Variants in GOLGA8A observed in about 807,000 individuals in gnomAD.
The protein encoded by GOLGA8A is golgin A8 family member A, also known as golgin subfamily A member 8A.
In GOLGA8A, 3 loss-of-function variants were observed where a neutral mutation model predicts 22.1. The observed-to-expected ratio is 0.14, with a 90% CI of 0.06 to 0.35. The LOEUF is 0.35. GOLGA8A is among the 10% of genes least tolerant of loss of function. The pLI, the probability that GOLGA8A is intolerant of heterozygous loss-of-function variation, is 1.00. For synonymous variants in GOLGA8A, 7 were observed against 91.7 expected (o/e 0.08, Z 5.28); for missense variants, 16 against 233.2 (o/e 0.07, Z 6.07).
intron 2 of GOLGA8A, chr15:34,417,920 G>C (rs1412793006): frequency 7.0e-6 from 1 of 141,846 alleles, no homozygotes; most frequent in Non-Finnish European, 1.5e-5. Flanking sequence ...CTCTTGGGTA[G>C]AGGGGGTGTT....
At position 34,421,287 on chromosome 15, in the gene GOLGA8A, A is replaced by G. The variant is rs1358526025; in HGVS notation, c.-1122-13552T>C. ...AACGACAAGAAAATCGGCTATTGTGAGAAGAGTCACATGAAGGTACCCAAA... is the reference window on the plus strand; with the variant it reads ...AACGACAAGAAAATCGGCTATTGTGGGAAGAGTCACATGAAGGTACCCAAA... On this transcript the variant is annotated intron_variant, in intron 2 of 24. Coordinates refer to ENST00000359187, the MANE Select transcript of GOLGA8A (RefSeq NM_181077.5). Among the ~76,000 whole-genome samples the G allele has an allele frequency of 1.4e-5, 2 of 143,342 alleles. 1 individual carries two copies. The highest frequency in any genetic ancestry group is 3.1e-5 in the Non-Finnish European group (2 of 65,398). The allele number at this position is 143,342 out of a possible 152,430, so 94.0% of individuals were successfully genotyped here.
In GOLGA8A at chr15:34,437,721, T is replaced by C. The variant is rs774886108; in HGVS notation, c.-1535A>G. On this transcript the variant is annotated 5_prime_UTR_variant, in exon 1 of 25. Coordinates refer to ENST00000359187, the MANE Select transcript of GOLGA8A (RefSeq NM_181077.5). Reference sequence around the variant, plus strand: ...CGCGCCGCCGTCCTCGCCGCGCCGCTGCCGGGTCTCTCCCGGGGGCTGAGC... The same window carrying C: ...CGCGCCGCCGTCCTCGCCGCGCCGCCGCCGGGTCTCTCCCGGGGGCTGAGC... 6.0e-4 allele frequency among the ~76,000 whole-genome samples: 87 copies of C among 143,812 alleles called. 6 individuals are homozygous for C. The highest frequency in any genetic ancestry group is 1.9e-3 in the African/African-American group (75 of 39,112). The allele number at this position is 143,812 out of a possible 152,430, so 94.3% of individuals were successfully genotyped here.
chr15:34,433,217 A>G (rs1301368541), intron 2 of GOLGA8A, among the ~76,000 whole-genome samples: 1 of 149,124 alleles, frequency 6.7e-6, no homozygotes, highest in African/African-American at 2.5e-5. Context: ...AAGGGAAAGC[A>G]GAGTGGCTGA....
Position 34,383,969 on chromosome 15 carries a change from CGT to C in GOLGA8A, c.644_645del (p.His215ArgfsTer9), listed in dbSNP as rs1191121501. The C allele has an allele frequency of 2.6e-5, 13 of 508,716 alleles. No homozygotes were observed. Among genetic ancestry groups the C allele is most frequent in the African/African-American group, 9.0e-5 (2 of 22,166 alleles). 31.5% of individuals were successfully genotyped at this position (508,716 alleles called of 1,614,324 possible). On this transcript the variant is annotated frameshift_variant, in exon 17 of 25. Transcript: ENST00000359187. LOFTEE classifies it high-confidence loss of function. The stretch of plus-strand genomic sequence containing the variant: ...CCTCTGCAAAACCTCACCTGTGTCA[CGT>C]GTCCTTTCAGCAGTATCTGCTCCCG... ...SIREQILLKG[H>X]VTQLKESLKE...
chr15:34,421,509 C>A lies in GOLGA8A; in HGVS notation c.-1122-13774G>T, dbSNP rs1329027342. Among the ~76,000 whole-genome samples the A allele has an allele frequency of 3.6e-5, 5 of 140,352 alleles. 2 individuals are homozygous for A. Among genetic ancestry groups the A allele is most frequent in the Non-Finnish European group, 7.7e-5 (5 of 65,140 alleles). The allele number at this position is 140,352 out of a possible 152,430, so 92.1% of individuals were successfully genotyped here. A position where few individuals can be genotyped will look rare whatever the true frequency, so the allele number is the denominator to read the frequency against. Reference sequence around the variant, plus strand: ...GGGCTGATATTAAACCCACCCACACCAAGAATCCTAAAAGTTAACGTACAG... The same window carrying A: ...GGGCTGATATTAAACCCACCCACACAAAGAATCCTAAAAGTTAACGTACAG... On this transcript the variant is annotated intron_variant, in intron 2 of 24. Coordinates refer to ENST00000359187, the MANE Select transcript of GOLGA8A (RefSeq NM_181077.5).
At chr15:34,430,196 G>T (rs2140288147) in intron 2 of GOLGA8A, among the ~76,000 whole-genome samples, 1 of 149,310 alleles carries the variant, frequency 6.7e-6, no homozygotes. Context: ...TCAAGGGAAA[G>T]ACACAATCAG....
chr15:34,416,293 A>G (rs1049903145), intron 2 of GOLGA8A: 5 of 149,246 alleles, frequency 3.4e-5, no homozygotes, highest in African/African-American at 1.2e-4. Flanking sequence ...TAGATGTAAT[A>G]TATTCACAAG....
chr15:34,433,749 C>T (rs913531999), intron 2 of GOLGA8A, among the ~76,000 whole-genome samples: 4 of 149,674 alleles, frequency 2.7e-5, no homozygotes, highest in Non-Finnish European at 5.9e-5. Flanking sequence ...TTTCTAGCTA[C>T]TGGGGATCCA....
rs1411301025 is a variant in GOLGA8A, at chr15:34,433,600, C to T, written c.-1123+1783G>A. 2.0e-5 allele frequency among the ~76,000 whole-genome samples: 3 copies of T among 148,868 alleles called. 1 individual carries two copies. Among genetic ancestry groups the T allele is most frequent in the African/African-American group, 7.5e-5 (3 of 40,256 alleles). On this transcript the variant is annotated intron_variant, in intron 2 of 24. Coordinates refer to ENST00000359187, the MANE Select transcript of GOLGA8A (RefSeq NM_181077.5). ...TTCCAGGAGGATCCAAATGTGAACACAGCTAGGTTCCAGCTCTGGGACTCG... is the reference window on the plus strand; with the variant it reads ...TTCCAGGAGGATCCAAATGTGAACATAGCTAGGTTCCAGCTCTGGGACTCG...
chr15:34,431,294 T>TATATATATATATATATAC (rs1204935441), intron 2 of GOLGA8A, among the ~76,000 whole-genome samples: 7 of 9,520 alleles, frequency 7.4e-4, no homozygotes, highest in African/African-American at 1.0e-3. Flanking sequence ...AAAAAAATTA[T>TATATATATATATATATAC]ATATATATAT....
intron 2 of GOLGA8A, among the ~76,000 whole-genome samples, chr15:34,434,959 T>A (rs903666668): frequency 6.7e-6 from 1 of 149,604 alleles, no homozygotes; most frequent in African/African-American, 2.5e-5. Context: ...GCAGGGCATG[T>A]GATCTCTGCC....
At chr15:34,431,333 ATATATATATAT>A in intron 2 of GOLGA8A, among the ~76,000 whole-genome samples, 1 of 51,426 alleles carries the variant, frequency 1.9e-5, no homozygotes, top group South Asian at 9.9e-4. Context: ...ATATATATAT[ATATATATATAT>A]ATCTCACACA....
At chr15:34,433,592 T>C (rs139450448) in intron 2 of GOLGA8A, among the ~76,000 whole-genome samples, 2 of 148,708 alleles carry the variant, frequency 1.3e-5, no homozygotes, top group African/African-American at 5.0e-5. Context: ...AGGATCCAAA[T>C]GTGAACACAG....
At chr15:34,436,923 G>A (rs1893547283) in intron 1 of GOLGA8A, among the ~76,000 whole-genome samples, 1 of 149,692 alleles carries the variant, frequency 6.7e-6, no homozygotes, top group Non-Finnish European at 1.5e-5. Context: ...CCGGGCTCGA[G>A]TTCTCCCAGG....
At chr15:34,421,080 C>T (rs1267612649) in intron 2 of GOLGA8A, among the ~76,000 whole-genome samples, 3 of 137,072 alleles carry the variant, frequency 2.2e-5, no homozygotes, top group Admixed American at 7.8e-5. Context: ...AGCACAACAA[C>T]TCTGCCCTCC....
rs1390042406 is a variant in GOLGA8A at position 34,381,523 on chromosome 15, G to A, written c.1700C>T (p.Pro567Leu). 2 of 1,612,606 alleles carry A rather than the reference G, an allele frequency of 1.2e-6. No individual in the cohort carries two copies. The highest frequency in any genetic ancestry group is 1.7e-6 in the Non-Finnish European group (2 of 1,179,680). The change falls in exon 25 of 25, where the codon CCA becomes CTA. Residue 567 changes from proline to leucine, a missense_variant. Physicochemically the swap from Pro to Leu is moderately conservative, Grantham distance 98 (BLOSUM62 -3). Transcript: ENST00000359187. ...CATCTCACCAAGGAGCTGCACGACT[G>A]GCTGTGCAGTAGGGTTGTCCTGGGA... ...GSSQDNPTAQ[P>L]VVQLLGEMQD...
chr15:34,424,585 T>C (rs1892908794), intron 2 of GOLGA8A, among the ~76,000 whole-genome samples: 2 of 138,840 alleles, frequency 1.4e-5, no homozygotes, highest in Non-Finnish European at 3.1e-5. Context: ...ATGATCCCAG[T>C]GACAACAGCA....
At chr15:34,423,081 C>G (rs1377899936) in intron 2 of GOLGA8A, among the ~76,000 whole-genome samples, 2 of 129,768 alleles carry the variant, frequency 1.5e-5, no homozygotes, top group Non-Finnish European at 3.4e-5. Context: ...GACAAACTAA[C>G]AAACACCCAG....
In GOLGA8A at chr15:34,418,366, C is replaced by T. The variant is rs1228709592; in HGVS notation, c.-1122-10631G>A. 4 of 141,220 alleles carry T rather than the reference C, an allele frequency of 2.8e-5. 1 individual carries two copies. Among genetic ancestry groups the T allele is most frequent in the Admixed American group, 2.3e-4 (3 of 13,212 alleles). 8.7% of individuals were successfully genotyped at this position (141,220 alleles called of 1,614,324 possible). On this transcript the variant is annotated intron_variant, in intron 2 of 24. Coordinates refer to ENST00000359187, the MANE Select transcript of GOLGA8A (RefSeq NM_181077.5). ...GGCTCTGAAGCTTTCCATTTAAATGCAAATTTCGGAACAAAGATCTGTGTC... is the reference window on the plus strand; with the variant it reads ...GGCTCTGAAGCTTTCCATTTAAATGTAAATTTCGGAACAAAGATCTGTGTC...
Sources: allele counts gnomAD v4.1 joint callset (sites outside exome capture counted in the v4.1 genomes callset), GRCh38; gene constraint gnomAD v4.1.1; transcripts MANE v1.5; gene names NCBI Gene and HGNC (gene_info 2026-07-23, HGNC 2026-07-21).